Variants in PPEF1 observed in about 807,000 individuals in gnomAD.
The protein encoded by PPEF1 is protein phosphatase with EF-hand domain 1, also known as serine/threonine-protein phosphatase with EF-hands 1.
Under a neutral mutation model 53.3 loss-of-function variants are expected in PPEF1, and 12 were observed. The ratio of observed to expected loss-of-function variants is 0.23; its 90% CI spans 0.14 to 0.36. PPEF1 has a LOEUF of 0.36. Among genes scored for constraint, PPEF1 ranks in the 10% least tolerant of loss-of-function variants. The pLI is 1.00. For synonymous variants in PPEF1, 165 were observed against 176.7 expected (o/e 0.93, Z 0.52); for missense variants, 334 against 490.4 (o/e 0.68, Z 3.01).
intron 6 of PPEF1, among the ~76,000 whole-genome samples, chrX:18,776,969 G>T (rs1203309592): frequency 1.8e-5 from 2 of 112,314 alleles, no homozygotes; most frequent in African/African-American, 6.5e-5. Flanking sequence ...AAATAACATG[G>T]TCATAATAAA....
intron 1 of PPEF1, among the ~76,000 whole-genome samples, chrX:18,723,378 A>T (rs997292152): frequency 1.3e-4 from 15 of 112,085 alleles, no homozygotes; most frequent in South Asian, 3.7e-4. Flanking sequence ...GACAATTTTT[A>T]AAAAAGTATC....
chrX:18,691,964 C>T (rs1484039135), intron 4 of PPEF1, among the ~76,000 whole-genome samples: 1 of 111,977 alleles, frequency 8.9e-6, no homozygotes, highest in Non-Finnish European at 1.9e-5. Flanking sequence ...CTTTGTTAGC[C>T]TCCCTGTTGG....
chrX:18,806,372 C>G (rs140334279), intron 11 of PPEF1, 31 bp from the exon 12 acceptor site: 1 of 1,180,866 alleles, frequency 8.5e-7, no homozygotes, highest in African/African-American at 1.8e-5. Context: ...ACTAATGTTA[C>G]GTGAACCTGA....
At chrX:18,684,468 C>CT (rs779041202) in intron 1 of PPEF1, among the ~76,000 whole-genome samples, 2 of 111,319 alleles carry the variant, frequency 1.8e-5, no homozygotes, top group South Asian at 7.7e-4. Context: ...GACCAGCTAT[C>CT]TATAACCTTC....
chrX:18,729,846 C>T lies in PPEF1; in HGVS notation c.47-335C>T, dbSNP rs187651366. ...CCAAAGGTAGGTGCTGTTATTATTC[C>T]TATTTTACAGATGAGGAAACTGAGG... On this transcript the variant is annotated intron_variant, in intron 1 of 15. Coordinates refer to ENST00000470157, the MANE Select transcript of PPEF1 (RefSeq NM_001377996.1). Among the ~76,000 whole-genome samples, 31 of 111,867 alleles carry T rather than the reference C, an allele frequency of 2.8e-4. No individual in the cohort carries two copies. The Admixed American group carries it at 3.0e-3, about 11-fold the overall frequency.
chrX:18,680,192 G>T (rs1294238995), upstream of PPEF1, among the ~76,000 whole-genome samples: 1 of 109,542 alleles, frequency 9.1e-6, no homozygotes, highest in East Asian at 2.8e-4. Flanking sequence ...GGCCTCTCCT[G>T]CCTCGGGGCC....
At chrX:18,687,841 A>G (rs1929162164) in intron 3 of PPEF1, among the ~76,000 whole-genome samples, 1 of 110,126 alleles carries the variant, frequency 9.1e-6, no homozygotes, top group African/African-American at 3.3e-5. Flanking sequence ...GGCGCACACC[A>G]CCATGCCTGG....
At chrX:18,809,327 A>G (rs892362879) in intron 12 of PPEF1, among the ~76,000 whole-genome samples, 2 of 110,509 alleles carry the variant, frequency 1.8e-5, no homozygotes, top group Non-Finnish European at 3.8e-5. Context: ...CACTATGTCA[A>G]TAGTTGTTAT....
intron 8 of PPEF1, among the ~76,000 whole-genome samples, chrX:18,783,111 CAA>C (rs139197097): frequency 8.1e-4 from 48 of 59,117 alleles, no homozygotes; most frequent in Middle Eastern, 0.019. Context: ...GACTCCATCT[CAA>C]AAAAAAAAAA....
chrX:18,813,674 G>A (rs1415013345), intron 12 of PPEF1, among the ~76,000 whole-genome samples: 2 of 111,424 alleles, frequency 1.8e-5, no homozygotes, highest in African/African-American at 6.5e-5. Flanking sequence ...TGATAATTAA[G>A]TATGATGTTA....
At chrX:18,815,780 TTTTC>T (rs1368686327) in intron 12 of PPEF1, among the ~76,000 whole-genome samples, 1 of 103,581 alleles carries the variant, frequency 9.7e-6, no homozygotes, top group Admixed American at 1.1e-4. Context: ...TTTTGTTGAT[TTTTC>T]TTTATTATCT....
At chrX:18,772,194 T>C (rs1004497425) in intron 6 of PPEF1, among the ~76,000 whole-genome samples, 3 of 110,925 alleles carry the variant, frequency 2.7e-5, no homozygotes, top group East Asian at 5.6e-4. Flanking sequence ...ACTACTCAAC[T>C]CATTAAGTGG....
At chrX:18,737,007 G>A (rs2044999154) in intron 3 of PPEF1, among the ~76,000 whole-genome samples, 2 of 111,412 alleles carry the variant, frequency 1.8e-5, no homozygotes, top group Admixed American at 1.9e-4. Flanking sequence ...ACGTCTGTTT[G>A]ATTCTTCTCT....
intron 6 of PPEF1, among the ~76,000 whole-genome samples, chrX:18,766,119 G>A (rs1187620313): frequency 9.1e-6 from 1 of 109,530 alleles, no homozygotes; most frequent in African/African-American, 3.3e-5. Flanking sequence ...AGCTGGAAAG[G>A]TAGTGTACTT....
chrX:18,676,698 C>T (rs1928688504), intron 1 of PPEF1, among the ~76,000 whole-genome samples: 1 of 112,061 alleles, frequency 8.9e-6, no homozygotes, highest in East Asian at 2.8e-4. Flanking sequence ...AACAAGACTG[C>T]CAGGAACTGG....
chrX:18,680,585 C>T (rs1476301968), upstream of PPEF1, among the ~76,000 whole-genome samples: 3 of 108,695 alleles, frequency 2.8e-5, no homozygotes, highest in South Asian at 8.1e-4. Flanking sequence ...CCTGCCACCA[C>T]GCCCAGCTAA....
At chrX:18,782,567 C>T (rs1192451211) in intron 8 of PPEF1, among the ~76,000 whole-genome samples, 165 bp downstream of exon 8, 1 of 110,996 alleles carries the variant, frequency 9.0e-6, no homozygotes, top group African/African-American at 3.3e-5. Context: ...GCCCTGGCCA[C>T]AGTAGAGTCT....
chrX:18,767,627 A>G (rs748465612), intron 6 of PPEF1, among the ~76,000 whole-genome samples: 19 of 112,582 alleles, frequency 1.7e-4, no homozygotes, highest in Non-Finnish European at 2.4e-4. Flanking sequence ...TTTTAAAGGC[A>G]TTTTAGCTTT....
At chrX:18,798,437 T>G (rs1468806434) in intron 10 of PPEF1, among the ~76,000 whole-genome samples, 1 of 111,838 alleles carries the variant, frequency 8.9e-6, no homozygotes, top group African/African-American at 3.2e-5. Context: ...TAGAGTAGGA[T>G]TTGATCCTGA....
Sources: allele counts gnomAD v4.1 joint callset (sites outside exome capture counted in the v4.1 genomes callset), GRCh38; gene constraint gnomAD v4.1.1; transcripts MANE v1.5; gene names NCBI Gene and HGNC (gene_info 2026-07-23, HGNC 2026-07-21).